GAB3: variants seen among roughly 807,000 people sequenced by gnomAD.
The protein encoded by GAB3 is GRB2-associated-binding protein 3.
A neutral mutation model predicts 40.4 loss-of-function variants in GAB3; 12 were observed. The observed-to-expected ratio is 0.30, with a 90% CI of 0.19 to 0.48. GAB3 has a LOEUF of 0.48. Among genes scored for constraint, GAB3 ranks in the 20% least tolerant of loss-of-function variants. The pLI is 0.99. For missense variants in GAB3, 381 were observed against 461.9 expected (o/e 0.82, Z 1.61); for synonymous variants, 154 against 176.7 (o/e 0.87, Z 1.02).
rs192422426 is a variant in GAB3 at position 154,734,613 on chromosome X, A to G, written c.72+16341T>C. Among the ~76,000 whole-genome samples, 1,072 of 112,263 alleles carry G rather than the reference A, an allele frequency of 9.5e-3. 7 individuals carry two copies. Among genetic ancestry groups the G allele is most frequent in the Non-Finnish European group, 0.01 (554 of 53,223 alleles). ...GGCACTGGGCACAACCCACAAGGGA[A>G]GGAACCCCGACTTTGATGTAGCACA... On this transcript the variant is annotated intron_variant, in intron 1 of 9. Coordinates refer to ENST00000424127, the MANE Select transcript of GAB3 (RefSeq NM_001081573.3).
intron 4 of GAB3, among the ~76,000 whole-genome samples, chrX:154,707,367 A>C (rs1218337191): frequency 8.9e-6 from 1 of 112,432 alleles, no homozygotes; most frequent in Admixed American, 9.4e-5. Flanking sequence ...ACAAAAAATG[A>C]TAATTATATT....
At chrX:154,700,356 G>A (rs1557251965) in intron 4 of GAB3, among the ~76,000 whole-genome samples, 1 of 111,478 alleles carries the variant, frequency 9.0e-6, no homozygotes, top group Non-Finnish European at 1.9e-5. Context: ...GGAGAGGAGA[G>A]AGGTTTGAAA....
chrX:154,735,912 C>T (rs2071358849), intron 1 of GAB3, among the ~76,000 whole-genome samples: 1 of 112,604 alleles, frequency 8.9e-6, no homozygotes, highest in Non-Finnish European at 1.9e-5. Flanking sequence ...CAGGCGTGTT[C>T]CTGCTTCAGA....
At chrX:154,724,883 A>G (rs1332095343) in intron 1 of GAB3, among the ~76,000 whole-genome samples, 7 of 111,712 alleles carry the variant, frequency 6.3e-5, no homozygotes, top group African/African-American at 2.3e-4. Context: ...GGTCCTATGC[A>G]ATGGCAGGTG....
intron 8 of GAB3, among the ~76,000 whole-genome samples, chrX:154,684,132 C>T (rs782143298): frequency 1.4e-3 from 158 of 111,708 alleles, no homozygotes; most frequent in Middle Eastern, 4.6e-3. Context: ...TTTTAAAATC[C>T]GCATCCACCA....
intron 1 of GAB3, among the ~76,000 whole-genome samples, chrX:154,738,033 G>T (rs972013845): frequency 4.9e-4 from 55 of 112,379 alleles, no homozygotes; most frequent in African/African-American, 1.8e-3. Flanking sequence ...ATAAATAAAA[G>T]ATGAAATTCA....
chrX:154,703,358 T>C (rs2070763909), intron 4 of GAB3, among the ~76,000 whole-genome samples: 1 of 111,978 alleles, frequency 8.9e-6, no homozygotes, highest in African/African-American at 3.2e-5. Context: ...CAGGAACATA[T>C]ACAGAGCTGG....
upstream of GAB3, among the ~76,000 whole-genome samples, chrX:154,751,318 C>T (rs2071615793): frequency 9.7e-6 from 1 of 103,422 alleles, no homozygotes; most frequent in Non-Finnish European, 2.0e-5. Context: ...GCCTACGCAG[C>T]AGGGCGCCTG....
At chrX:154,709,423 C>G (rs183087012) in intron 4 of GAB3, among the ~76,000 whole-genome samples, 1 of 107,985 alleles carries the variant, frequency 9.3e-6, no homozygotes. Context: ...CAGGTTCAAG[C>G]GATTCTCCTG....
chrX:154,698,683 CTCTG>C (rs2070697746), intron 6 of GAB3, among the ~76,000 whole-genome samples: 2 of 112,189 alleles, frequency 1.8e-5, no homozygotes, highest in African/African-American at 6.5e-5. Flanking sequence ...CTATCTATCT[CTCTG>C]TCTGTCTGTG....
intron 1 of GAB3, among the ~76,000 whole-genome samples, chrX:154,718,754 C>T (rs2071085328): frequency 9.0e-6 from 1 of 111,238 alleles, no homozygotes. Flanking sequence ...GGGGAGGGAG[C>T]ATGGGGTGCT....
In GAB3 at chrX:154,676,524, T is replaced by G. The variant is rs2070299510; in HGVS notation, c.*1654A>C. 8.9e-6 allele frequency: 1 copy of G among 111,753 alleles called. No homozygotes were observed. The highest frequency in any genetic ancestry group is 9.5e-5 in the Admixed American group (1 of 10,562). 9.2% of individuals were successfully genotyped at this position (111,753 alleles called of 1,213,427 possible). A position where few individuals can be genotyped will look rare whatever the true frequency, so the allele number is the denominator to read the frequency against. ...GCTCACTAAGGACCCTGAACTCAGT[T>G]AAAATACTTAGAAATTTCCCCCCAC... is the stretch of plus-strand genomic sequence containing the variant. On this transcript the variant is annotated 3_prime_UTR_variant, in exon 10 of 10. Transcript: ENST00000424127.
In GAB3 at chrX:154,742,219, A is replaced by G. The variant is rs151045236; in HGVS notation, c.72+8735T>C. Among the ~76,000 whole-genome samples, 34 of 112,451 alleles carry G rather than the reference A, an allele frequency of 3.0e-4. No homozygotes were observed. The East Asian group carries it at 3.9e-3, about 13-fold the overall frequency. The stretch of plus-strand genomic sequence containing the variant: ...AAGTGAATAAAACCAAAAATACAAC[A>G]TATCACCAGAATTTGTGGAATGCCA... On this transcript the variant is annotated intron_variant, in intron 1 of 9. Transcript: ENST00000424127.
intron 1 of GAB3, among the ~76,000 whole-genome samples, chrX:154,722,281 T>C (rs2071145502): frequency 9.1e-6 from 1 of 110,314 alleles, no homozygotes; most frequent in South Asian, 3.8e-4. Flanking sequence ...AAAAACTGGT[T>C]ACCAGGGACA....
At chrX:154,706,689 G>A (rs1023885595) in intron 4 of GAB3, among the ~76,000 whole-genome samples, 2 of 110,423 alleles carry the variant, frequency 1.8e-5, no homozygotes, top group Non-Finnish European at 3.8e-5. Context: ...GAGGTGGGAG[G>A]ATCGCTTGAG....
rs782579004 is a variant in GAB3 at position 154,699,294 on chromosome X, A to T, written c.1345T>A (p.Ser449Thr). ...ACAGCAGGCCTGGTCAAGTGCTTAC[A>T]TTTCCTCTGAGGCTTGAGATCTCTA... is the stretch of plus-strand genomic sequence containing the variant. ...VNRDLKPQRK[S>T]RPPPLDLRNL... The change falls in exon 6 of 10, where the codon TCA becomes ACA. Residue 449 changes from serine (S) to threonine (T), a missense_variant and splice_region_variant. Ser to Thr is a moderately conservative substitution (Grantham distance 58, BLOSUM62 1). Coordinates refer to ENST00000424127, the MANE Select transcript of GAB3 (RefSeq NM_001081573.3). 1.7e-6 allele frequency: 2 copies of T among 1,200,437 alleles called. No homozygotes were observed. Among genetic ancestry groups the T allele is most frequent in the African/African-American group, 3.5e-5 (2 of 56,603 alleles).
intron 8 of GAB3, among the ~76,000 whole-genome samples, chrX:154,691,839 A>G (rs1557249486): frequency 8.9e-6 from 1 of 112,091 alleles, no homozygotes; most frequent in African/African-American, 3.2e-5. Flanking sequence ...ATATAGACCA[A>G]GAAATAAACC....
At chrX:154,684,434 A>G (rs1478943335) in intron 8 of GAB3, among the ~76,000 whole-genome samples, 2 of 111,080 alleles carry the variant, frequency 1.8e-5, no homozygotes, top group Non-Finnish European at 3.8e-5. Flanking sequence ...TAATCCAGAG[A>G]ATTTGCCTAT....
chrX:154,676,575 AC>A lies in GAB3; in HGVS notation c.*1602del, dbSNP rs2070300471. The A allele has an allele frequency of 8.9e-6, 1 of 112,102 alleles. No individual in the cohort carries two copies. The highest frequency in any genetic ancestry group is 3.7e-4 in the South Asian group (1 of 2,702). 9.2% of individuals were successfully genotyped at this position (112,102 alleles called of 1,213,427 possible). A position where few individuals can be genotyped will look rare whatever the true frequency, so the allele number is the denominator to read the frequency against. On this transcript the variant is annotated 3_prime_UTR_variant, in exon 10 of 10. Coordinates refer to ENST00000424127, the MANE Select transcript of GAB3 (RefSeq NM_001081573.3). Reference sequence around the variant, plus strand: ...TTTGTCCAAGGAAGAAAATAATGTCACCAGAACCTGCTTCTTTGAAAATCAA... The same window carrying A: ...TTTGTCCAAGGAAGAAAATAATGTCACAGAACCTGCTTCTTTGAAAATCAA...
Sources: gnomAD v4.1 joint callset for allele counts (sites outside exome capture counted in the v4.1 genomes callset) on GRCh38, gnomAD v4.1.1 for gene constraint, MANE v1.5 for transcripts, NCBI Gene and HGNC (gene_info 2026-07-23, HGNC 2026-07-21) for gene names.